SAV1: variants seen among roughly 807,000 people sequenced by gnomAD.
SAV1 encodes the protein protein salvador homolog 1.
In SAV1, 23 loss-of-function variants were observed where a neutral mutation model predicts 47.3. That is an observed-to-expected ratio of 0.49 (90% CI 0.35 to 0.69). SAV1 has a LOEUF of 0.69. Among genes scored for constraint, SAV1 ranks in the 30% least tolerant of loss-of-function variants. The probability of loss-of-function intolerance (pLI) is 0.01; values close to 1 mark genes in which losing one functional copy is unlikely to be tolerated. For missense variants in SAV1, 448 were observed against 457.4 expected (o/e 0.98, Z 0.19); for synonymous variants, 155 against 159.2 (o/e 0.97, Z 0.20).
chr14:50,638,561 C>A (rs1001448156), intron 4 of SAV1, among the ~76,000 whole-genome samples: 2 of 152,118 alleles, frequency 1.3e-5, no homozygotes, highest in African/African-American at 4.8e-5. Context: ...TGCACCCACC[C>A]GCCATAACAC....
chr14:50,656,602 C>T (rs1419723233), intron 2 of SAV1, among the ~76,000 whole-genome samples: 2 of 152,094 alleles, frequency 1.3e-5, no homozygotes, highest in African/African-American at 4.8e-5. Context: ...GCCACCACAC[C>T]TGGCTAATTT....
At position 50,665,274 on chromosome 14, in the gene SAV1, G is replaced by A. The variant is rs147777064; in HGVS notation, c.440C>T (p.Pro147Leu). 174 of 1,613,774 alleles carry A rather than the reference G, an allele frequency of 1.1e-4. 1 individual carries two copies. In the African/African-American group the frequency reaches 2.2e-3, roughly 21 times the overall value. ...GTCTTCATGTGCACGATCTCCAAGT[G>A]GCCGCTTTCTCTGACCATCAAAAAA... ...DNFFDGQRKR[P>L]LGDRAHEDYR... Residue 147 changes from proline to leucine, a missense_variant, in exon 2 of 5, where the codon CCA (proline) becomes CTA (leucine). Coordinates refer to ENST00000324679, the MANE Select transcript of SAV1 (RefSeq NM_021818.4).
Position 50,644,872 on chromosome 14 carries a change from G to C in SAV1, c.678C>G (p.His226Gln). 4 of 1,614,142 alleles carry C rather than the reference G, an allele frequency of 2.5e-6. No individual in the cohort carries two copies. Among genetic ancestry groups the C allele is most frequent in the Non-Finnish European group, 3.4e-6 (4 of 1,180,034 alleles). The change falls in exon 3 of 5, where the codon CAC becomes CAG. Residue 226 changes from histidine to glutamine, a missense_variant. Coordinates refer to ENST00000324679, the MANE Select transcript of SAV1 (RefSeq NM_021818.4). Reference sequence around the variant, plus strand: ...CTTCTCGCTCAAGAGGATGGCTCCAGTGAGTTGTATTTGTGTTATGATCTA... The same window carrying C: ...CTTCTCGCTCAAGAGGATGGCTCCACTGAGTTGTATTTGTGTTATGATCTA... The part of the protein sequence containing the change: ...YYIDHNTNTT[H>Q]WSHPLEREGL...
chr14:50,646,284 C>G (rs1320142891), intron 2 of SAV1, among the ~76,000 whole-genome samples: 1 of 152,222 alleles, frequency 6.6e-6, no homozygotes, highest in Non-Finnish European at 1.5e-5. Flanking sequence ...CTCTCCCTCT[C>G]TCTTGAAAGA....
chr14:50,651,542 GAAGTA>G (rs1334755540), intron 2 of SAV1, among the ~76,000 whole-genome samples: 1 of 152,128 alleles, frequency 6.6e-6, no homozygotes, highest in African/African-American at 2.4e-5. Flanking sequence ...AAAACAAAAT[GAAGTA>G]AACAAATCTA....
At chr14:50,639,655 C>A (rs2039665959) in intron 4 of SAV1, among the ~76,000 whole-genome samples, 1 of 149,582 alleles carries the variant, frequency 6.7e-6, no homozygotes, top group Non-Finnish European at 1.5e-5. Context: ...CTGTTTCTTT[C>A]TGTAAGAAAC....
At chr14:50,649,395 G>C (rs1445591431) in intron 2 of SAV1, among the ~76,000 whole-genome samples, 1 of 152,180 alleles carries the variant, frequency 6.6e-6, no homozygotes, top group East Asian at 1.9e-4. Context: ...AGTGTCTACA[G>C]AATAAAGCAC....
intron 3 of SAV1, among the ~76,000 whole-genome samples, chr14:50,641,503 C>T (rs922863196): frequency 6.6e-6 from 1 of 152,048 alleles, no homozygotes; most frequent in Non-Finnish European, 1.5e-5. Flanking sequence ...AGGTTAATAG[C>T]TGAACTCGAA....
At chr14:50,662,768 G>C (rs768922712) in intron 2 of SAV1, 2 of 152,162 alleles carry the variant, frequency 1.3e-5, no homozygotes, top group Non-Finnish European at 2.9e-5. Flanking sequence ...CTACAATATA[G>C]GTGGGAAAGG....
intron 4 of SAV1, among the ~76,000 whole-genome samples, chr14:50,635,902 T>A (rs2039631121): frequency 6.6e-6 from 1 of 151,816 alleles, no homozygotes; most frequent in African/African-American, 2.4e-5. Context: ...AGAGACAGAG[T>A]TTCACCATGT....
chr14:50,653,440 A>G (rs1184465522), intron 2 of SAV1, among the ~76,000 whole-genome samples: 1 of 152,254 alleles, frequency 6.6e-6, no homozygotes, highest in Non-Finnish European at 1.5e-5. Flanking sequence ...AAGAAATGAC[A>G]GAATTCAAGT....
intron 2 of SAV1, chr14:50,662,918 G>C (rs1369266709): frequency 2.6e-5 from 4 of 152,156 alleles, no homozygotes; most frequent in African/African-American, 9.7e-5. Context: ...TTATTTTTGT[G>C]AGCATCTCTT....
chr14:50,647,403 A>AAC (rs531526385), intron 2 of SAV1, among the ~76,000 whole-genome samples: 128 of 152,296 alleles, frequency 8.4e-4, no homozygotes, highest in Admixed American at 8.2e-3. Flanking sequence ...TTAAGAAAAC[A>AAC]ACCCTGAGCC....
At chr14:50,653,113 T>TA (rs2140257608) in intron 2 of SAV1, among the ~76,000 whole-genome samples, 1 of 151,760 alleles carries the variant, frequency 6.6e-6, no homozygotes, top group African/African-American at 2.4e-5. Flanking sequence ...GTCAAGGTCA[T>TA]AAAAAACAAA....
intron 3 of SAV1, among the ~76,000 whole-genome samples, chr14:50,643,231 T>G (rs2039694518): frequency 6.6e-6 from 1 of 152,174 alleles, no homozygotes; most frequent in Admixed American, 6.5e-5. Context: ...TGTAATAACA[T>G]AAGGTTAATG....
intron 4 of SAV1, among the ~76,000 whole-genome samples, chr14:50,639,733 T>C (rs2039666481): frequency 6.6e-6 from 1 of 152,184 alleles, no homozygotes; most frequent in Admixed American, 6.5e-5. Flanking sequence ...TTATTAAACA[T>C]GACTATAGAG....
intron 2 of SAV1, among the ~76,000 whole-genome samples, chr14:50,656,545 C>T (rs537881601): frequency 6.6e-6 from 1 of 151,254 alleles, no homozygotes; most frequent in African/African-American, 2.4e-5. Flanking sequence ...TGGGTTCATG[C>T]CATTCTCCTG....
chr14:50,653,314 C>T (rs1292060341), intron 2 of SAV1, among the ~76,000 whole-genome samples: 1 of 152,166 alleles, frequency 6.6e-6, no homozygotes, highest in Non-Finnish European at 1.5e-5. Flanking sequence ...GGTATCAATT[C>T]ATCATTCTGA....
At chr14:50,655,824 T>A (rs1209969339) in intron 2 of SAV1, among the ~76,000 whole-genome samples, 1 of 151,432 alleles carries the variant, frequency 6.6e-6, no homozygotes, top group African/African-American at 2.4e-5. Context: ...GGTGGGTGGA[T>A]CACCTGAGGT....
Sources: allele counts gnomAD v4.1 joint callset (sites outside exome capture counted in the v4.1 genomes callset), GRCh38; gene constraint gnomAD v4.1.1; transcripts MANE v1.5; gene names NCBI Gene and HGNC (gene_info 2026-07-23, HGNC 2026-07-21).